The following NOL4 variants were observed in gnomAD, a reference collection of about 807,000 sequenced individuals.
NOL4 encodes the protein cancer/testis antigen 125.
A neutral mutation model predicts 75.9 loss-of-function variants in NOL4; 17 were observed. That is an observed-to-expected ratio of 0.22 (90% confidence interval 0.15 to 0.34). The LOEUF (loss-of-function observed/expected upper bound fraction) is 0.34. Ranked by LOEUF, NOL4 falls within the 10% of genes least tolerant of loss-of-function variation. The pLI, the probability that NOL4 is intolerant of heterozygous loss-of-function variation, is 1.00. For missense variants in NOL4, 614 were observed against 793.5 expected, an observed-to-expected ratio of 0.77 and a Z score of 2.72; for synonymous variants, 292 against 289.9, an observed-to-expected ratio of 1.01 and a Z score of -0.07.
At chr18:33,856,131 G>A (rs1372922878) in intron 10 of NOL4, among the ~76,000 whole-genome samples, 1 of 151,946 alleles carries the variant, frequency 6.6e-6, no homozygotes, top group African/African-American at 2.4e-5. Context: ...TTGGTGCCTG[G>A]CACAAAGGAA....
chr18:33,885,161 T>TAA (rs1358809357), intron 9 of NOL4, among the ~76,000 whole-genome samples: 7 of 151,626 alleles, frequency 4.6e-5, no homozygotes, highest in Non-Finnish European at 8.8e-5. Flanking sequence ...TTACTTTTTT[T>TAA]AAAAAAAATC....
At chr18:33,948,035 C>T (rs2068957642) in intron 8 of NOL4, among the ~76,000 whole-genome samples, 1 of 151,840 alleles carries the variant, frequency 6.6e-6, no homozygotes, top group African/African-American at 2.4e-5. Flanking sequence ...CTCTGAACTT[C>T]AGCTGTACAT....
intron 6 of NOL4, among the ~76,000 whole-genome samples, chr18:33,992,107 TTC>T (rs1477310363): frequency 1.3e-5 from 2 of 152,004 alleles, no homozygotes; most frequent in African/African-American, 4.8e-5. Flanking sequence ...GAAATCTATT[TTC>T]TCTCCATTCT....
intron 6 of NOL4, among the ~76,000 whole-genome samples, chr18:33,985,076 A>C (rs995598069): frequency 6.6e-6 from 1 of 152,138 alleles, no homozygotes; most frequent in African/African-American, 2.4e-5. Context: ...ATGAGGAATA[A>C]ATGAGATAGT....
intron 5 of NOL4, among the ~76,000 whole-genome samples, chr18:34,090,809 G>T (rs914162372): frequency 1.3e-5 from 2 of 152,088 alleles, no homozygotes; most frequent in African/African-American, 2.4e-5. Flanking sequence ...CTTGAGATGA[G>T]CCAAAAAGGA....
chr18:33,876,091 G>A (rs76668728), intron 10 of NOL4, among the ~76,000 whole-genome samples: 3,117 of 151,932 alleles, frequency 0.021, 51 homozygotes, highest in Middle Eastern at 0.051. Context: ...ATCCAACTTC[G>A]CTTCTCTTAA....
At chr18:34,059,104 G>T (rs548125354) in intron 5 of NOL4, among the ~76,000 whole-genome samples, 79 of 132,126 alleles carry the variant, frequency 6.0e-4, no homozygotes, top group African/African-American at 2.1e-3. Flanking sequence ...CATATATATA[G>T]AGAGATAGAT....
At chr18:34,130,083 A>T in intron 1 of NOL4, 63 bp from the exon 2 acceptor site, 3 of 1,387,496 alleles carry the variant, frequency 2.2e-6, no homozygotes, top group Non-Finnish European at 2.8e-6. Context: ...CATTTAATAC[A>T]CAAATTGTTT....
chr18:33,902,108 G>T (rs539974646), intron 9 of NOL4, among the ~76,000 whole-genome samples: 1 of 151,878 alleles, frequency 6.6e-6, no homozygotes, highest in Non-Finnish European at 1.5e-5. Context: ...TTGTAATAAG[G>T]TTTGTGAAAG....
At chr18:34,075,638 C>A (rs1245863949) in intron 5 of NOL4, among the ~76,000 whole-genome samples, 1 of 152,144 alleles carries the variant, frequency 6.6e-6, no homozygotes, top group Non-Finnish European at 1.5e-5. Context: ...AGAGGCTACA[C>A]TCCATGTAAA....
At chr18:34,099,914 C>A (rs2078966684) in intron 4 of NOL4, among the ~76,000 whole-genome samples, 1 of 152,134 alleles carries the variant, frequency 6.6e-6, no homozygotes, top group South Asian at 2.1e-4. Context: ...ATTTAAATGA[C>A]TTTACTTGAA....
At chr18:34,048,387 C>T (rs1279760460) in intron 5 of NOL4, 1 of 943,204 alleles carries the variant, frequency 1.1e-6, no homozygotes, top group Non-Finnish European at 1.3e-6. Context: ...TTCAACAAGA[C>T]TTAGACAAAC....
intron 9 of NOL4, among the ~76,000 whole-genome samples, chr18:33,901,810 C>T (rs2065762817): frequency 6.6e-6 from 1 of 151,878 alleles, no homozygotes; most frequent in Admixed American, 6.6e-5. Context: ...ACATGTAAAG[C>T]TGTGTTACTA....
At chr18:34,090,914 C>T (rs1042943145) in intron 5 of NOL4, among the ~76,000 whole-genome samples, 1 of 151,982 alleles carries the variant, frequency 6.6e-6, no homozygotes, top group South Asian at 2.1e-4. Context: ...TGAAGAGGTG[C>T]AATGGGATAT....
chr18:33,950,928 G>A (rs769969604), intron 8 of NOL4, among the ~76,000 whole-genome samples: 3 of 152,110 alleles, frequency 2.0e-5, no homozygotes, highest in Non-Finnish European at 2.9e-5. Context: ...ACTGTCCTAG[G>A]AGTTTTTACA....
rs376451505 is a variant in NOL4 at position 33,987,097 on chromosome 18, A to G, written c.1057-28679T>C. On this transcript the variant is annotated intron_variant, in intron 6 of 10. Coordinates refer to ENST00000261592, the MANE Select transcript of NOL4 (RefSeq NM_003787.5). ...GGATTTTATAGTGAATCTTCTCTAT[A>G]TCTTAATTTGTTGGTAGTTATACAA... Among the ~76,000 whole-genome samples, 32 of 152,224 alleles carry G rather than the reference A, an allele frequency of 2.1e-4. No homozygotes were observed. The East Asian group carries it at 2.5e-3, about 12-fold the overall frequency.
At chr18:34,201,609 G>GT (rs1166661042) in intron 1 of NOL4, among the ~76,000 whole-genome samples, 2 of 151,522 alleles carry the variant, frequency 1.3e-5, no homozygotes, top group Non-Finnish European at 3.0e-5. Flanking sequence ...AAATATTGAG[G>GT]TTTTTTTCAT....
In NOL4 at chr18:34,033,682, G is replaced by A. The variant is rs541603599; in HGVS notation, c.773-14081C>T. ...ATTTAGGAAGAAATTTAGACATTCA[G>A]ATATAGGAGGTTCTGAGATCCCCAA... On this transcript the variant is annotated intron_variant, in intron 5 of 10. Coordinates refer to ENST00000261592, the MANE Select transcript of NOL4 (RefSeq NM_003787.5). 2.0e-5 allele frequency among the ~76,000 whole-genome samples: 3 copies of A among 152,150 alleles called. No homozygotes were observed. In the East Asian group the frequency reaches 5.8e-4, roughly 29 times the overall value.
At chr18:34,098,352 A>T (rs1401023342) in intron 4 of NOL4, among the ~76,000 whole-genome samples, 1 of 152,166 alleles carries the variant, frequency 6.6e-6, no homozygotes, top group Admixed American at 6.5e-5. Context: ...AGACCAGCAC[A>T]CTGTGAGGAA....
Sources: allele counts gnomAD v4.1 joint callset (sites outside exome capture counted in the v4.1 genomes callset), GRCh38; gene constraint gnomAD v4.1.1; transcripts MANE v1.5; gene names NCBI Gene and HGNC (gene_info 2026-07-23, HGNC 2026-07-21).